Variants in MPZL1 observed in about 807,000 individuals in gnomAD.
MPZL1 encodes myelin protein zero like 1, also known as myelin protein zero-like protein 1.
Under a neutral mutation model 29.3 loss-of-function variants are expected in MPZL1, and 16 were observed. That is an observed-to-expected ratio of 0.55 (90% confidence interval 0.37 to 0.83). MPZL1 has a LOEUF of 0.83. MPZL1 is among the 40% of genes least tolerant of loss of function. MPZL1 has a pLI of 0.00. For missense variants in MPZL1, 279 were observed against 332.9 expected (o/e 0.84, Z 1.26); for synonymous variants, 143 against 132.0 (o/e 1.08, Z -0.57).
In MPZL1 at chr1:167,773,252, T is replaced by A. The variant is rs1661288960; in HGVS notation, c.489T>A (p.Phe163Leu). The A allele has an allele frequency of 6.2e-7, 1 of 1,613,462 alleles. No individual in the cohort carries two copies. The highest frequency in any genetic ancestry group is 8.5e-7 in the Non-Finnish European group (1 of 1,179,502). ...TCTCTCTAGAGAATTTGCCTGTGTT[T>A]CCAGTTTGGGTAGTGGTGGGCATAG... ...YVVEKENLPV[F>L]PVWVVVGIVT... The change falls in exon 4 of 6, where the codon TTT becomes TTA. Residue 163 changes from phenylalanine (F) to leucine (L), a missense_variant. Coordinates refer to ENST00000359523, the MANE Select transcript of MPZL1 (RefSeq NM_003953.6).
chr1:167,735,844 A>C (rs1660367024), intron 1 of MPZL1, among the ~76,000 whole-genome samples: 1 of 152,080 alleles, frequency 6.6e-6, no homozygotes, highest in Non-Finnish European at 1.5e-5. Context: ...AAACAGCTTC[A>C]CAGAAATAAC....
At chr1:167,781,033 A>T (rs1661486001) in intron 5 of MPZL1, among the ~76,000 whole-genome samples, 1 of 152,194 alleles carries the variant, frequency 6.6e-6, no homozygotes, top group African/African-American at 2.4e-5. Context: ...TTATGATGAC[A>T]AAGTGATCTA....
Position 167,777,877 on chromosome 1 carries a change from C to T in MPZL1, c.708+1711C>T, listed in dbSNP as rs114999299. Among the ~76,000 whole-genome samples the T allele has an allele frequency of 2.7e-3, 409 of 152,276 alleles. 1 individual carries two copies. The highest frequency in any genetic ancestry group is 4.4e-3 in the Non-Finnish European group (299 of 68,018). Reference sequence around the variant, plus strand: ...CAGAATAAAGGATGCTATGGACCCACCATAACAAAGCTTAAAAGGAAGCCT... The same window carrying T: ...CAGAATAAAGGATGCTATGGACCCATCATAACAAAGCTTAAAAGGAAGCCT... On this transcript the variant is annotated intron_variant, in intron 5 of 5. Transcript: ENST00000359523.
rs1023003242 is a variant in MPZL1, at chr1:167,789,368, C to T, written c.*1447C>T. The T allele has an allele frequency of 6.6e-6, 1 of 151,982 alleles. No individual in the cohort carries two copies. The highest frequency in any genetic ancestry group is 2.4e-5 in the African/African-American group (1 of 41,338). 9.4% of individuals were successfully genotyped at this position (151,982 alleles called of 1,614,324 possible). On this transcript the variant is annotated 3_prime_UTR_variant, in exon 6 of 6. Coordinates refer to ENST00000359523, the MANE Select transcript of MPZL1 (RefSeq NM_003953.6). ...ATTACTGTCTAGATGGTCTGCAGAA[C>T]GTGTTTGGGGTGAGTGGGAGTGAGG...
chr1:167,778,380 C>T (rs1451051785), intron 5 of MPZL1, among the ~76,000 whole-genome samples: 1 of 149,576 alleles, frequency 6.7e-6, no homozygotes, highest in Non-Finnish European at 1.5e-5. Flanking sequence ...ACACATAAGC[C>T]AGATATAGTG....
chr1:167,738,930 A>G (rs1209026241), intron 1 of MPZL1, among the ~76,000 whole-genome samples: 1 of 152,028 alleles, frequency 6.6e-6, no homozygotes, highest in Non-Finnish European at 1.5e-5. Flanking sequence ...AGAATGGACC[A>G]ATACATATAT....
intron 1 of MPZL1, among the ~76,000 whole-genome samples, chr1:167,761,218 C>T (rs1660980051): frequency 6.6e-6 from 1 of 152,064 alleles, no homozygotes; most frequent in African/African-American, 2.4e-5. Flanking sequence ...ACAAAGGGGC[C>T]AGAGCTGCAG....
Position 167,777,946 on chromosome 1 carries a change from C to T in MPZL1, c.708+1780C>T, listed in dbSNP as rs567805138. ...CCAAAAGTAATTTAGTTGCATTTTA[C>T]AACAAAATCCAACACGCTTTATGCT... On this transcript the variant is annotated intron_variant, in intron 5 of 5. Coordinates refer to ENST00000359523, the MANE Select transcript of MPZL1 (RefSeq NM_003953.6). Among the ~76,000 whole-genome samples, 11 of 152,310 alleles carry T rather than the reference C, an allele frequency of 7.2e-5. No individual in the cohort carries two copies. The South Asian group carries it at 2.3e-3, about 32-fold the overall frequency.
At chr1:167,766,003 C>G (rs930960009) in intron 2 of MPZL1, 1 of 284,784 alleles carries the variant, frequency 3.5e-6, no homozygotes, top group Non-Finnish European at 6.5e-6. Flanking sequence ...ATTGACCACA[C>G]TGACTCTAAT....
intron 1 of MPZL1, among the ~76,000 whole-genome samples, chr1:167,740,246 T>C (rs534290879): frequency 6.6e-6 from 1 of 152,344 alleles, no homozygotes; most frequent in Admixed American, 6.5e-5. Flanking sequence ...TTTAGCTACA[T>C]TTCTGGGCCG....
At chr1:167,787,716 C>T in intron 5 of MPZL1, 104 bp from the exon 6 acceptor site, 2 of 792,164 alleles carry the variant, frequency 2.5e-6, no homozygotes, top group South Asian at 3.5e-5. Context: ...GAAGTCTTTG[C>T]TTTGGAACCC....
intron 1 of MPZL1, among the ~76,000 whole-genome samples, chr1:167,754,247 C>T (rs964697746): frequency 1.3e-5 from 2 of 152,128 alleles, no homozygotes; most frequent in Non-Finnish European, 2.9e-5. Context: ...GATCCACCCA[C>T]CTCAGCCTCC....
In MPZL1 at chr1:167,725,820, A is replaced by G. The variant is rs184447818; in HGVS notation, c.91+3578A>G. ...TTTTTAGTAGAGACAGGGTTTCACC[A>G]TGTTTGCCAGGTCTGGAACTCCTGA... On this transcript the variant is annotated intron_variant, in intron 1 of 5. Coordinates refer to ENST00000359523, the MANE Select transcript of MPZL1 (RefSeq NM_003953.6). Among the ~76,000 whole-genome samples the G allele has an allele frequency of 3.8e-3, 574 of 151,740 alleles. 4 individuals are homozygous for G. Among genetic ancestry groups the G allele is most frequent in the African/African-American group, 0.013 (530 of 41,368 alleles).
intron 1 of MPZL1, among the ~76,000 whole-genome samples, chr1:167,729,264 C>A (rs1571131686): frequency 6.6e-6 from 1 of 150,406 alleles, no homozygotes; most frequent in African/African-American, 2.4e-5. Flanking sequence ...AGTGAGACAC[C>A]CTGTCTCAAA....
intron 1 of MPZL1, among the ~76,000 whole-genome samples, chr1:167,739,031 C>G (rs1660444513): frequency 6.6e-6 from 1 of 151,770 alleles, no homozygotes; most frequent in African/African-American, 2.4e-5. Flanking sequence ...CAACCTCCAC[C>G]TCCAGGTTCA....
intron 1 of MPZL1, among the ~76,000 whole-genome samples, chr1:167,722,540 C>CG (rs1660055758): frequency 6.6e-6 from 1 of 152,044 alleles, no homozygotes; most frequent in Non-Finnish European, 1.5e-5. Flanking sequence ...GCGGACCCGG[C>CG]GGGCGGCTGC....
intron 1 of MPZL1, among the ~76,000 whole-genome samples, chr1:167,744,029 T>C (rs929506827): frequency 2.6e-5 from 4 of 152,100 alleles, no homozygotes; most frequent in Non-Finnish European, 4.4e-5. Context: ...TTCATTATTA[T>C]GTTGGCTGTG....
intron 4 of MPZL1, chr1:167,773,894 TAA>T (rs759697737): frequency 1.4e-4 from 19 of 138,354 alleles, no homozygotes; most frequent in East Asian, 2.1e-4. Flanking sequence ...CCTGTCTCTT[TAA>T]AAAAAAAAAA....
chr1:167,771,549 C>G (rs1269864879), intron 2 of MPZL1, among the ~76,000 whole-genome samples: 1 of 152,180 alleles, frequency 6.6e-6, no homozygotes, highest in African/African-American at 2.4e-5. Flanking sequence ...GCTGTCACTT[C>G]ACACTTGGAA....
Sources: gnomAD v4.1 joint callset for allele counts (sites outside exome capture counted in the v4.1 genomes callset) on GRCh38, gnomAD v4.1.1 for gene constraint, MANE v1.5 for transcripts, NCBI Gene and HGNC (gene_info 2026-07-23, HGNC 2026-07-21) for gene names.